TPRG1: variants seen among roughly 807,000 people sequenced by gnomAD.
TPRG1 encodes tumor protein p63-regulated gene 1 protein.
Under a neutral mutation model 29.3 loss-of-function variants are expected in TPRG1, and 29 were observed. The ratio of observed to expected loss-of-function variants is 0.99; its 90% CI spans 0.74 to 1.35. The LOEUF (loss-of-function observed/expected upper bound fraction) is 1.35. Among genes scored for constraint, TPRG1 ranks in the 40% most tolerant of loss-of-function variants. The pLI, the probability that TPRG1 is intolerant of heterozygous loss-of-function variation, is 0.00. For synonymous variants in TPRG1, 130 were observed against 116.8 expected, an observed-to-expected ratio of 1.11 and a Z score of -0.73; for missense variants, 327 against 335.0, an observed-to-expected ratio of 0.98 and a Z score of 0.19.
At chr3:189,000,515 T>A (rs1247164615) in intron 1 of TPRG1, among the ~76,000 whole-genome samples, 3 of 152,128 alleles carry the variant, frequency 2.0e-5, no homozygotes, top group African/African-American at 7.2e-5. Context: ...ACTGAGCTAT[T>A]TCTATAGGAG....
upstream of TPRG1, among the ~76,000 whole-genome samples, chr3:189,095,163 T>C: frequency 6.6e-6 from 1 of 152,204 alleles, no homozygotes; most frequent in East Asian, 1.9e-4. Context: ...TCATTTGTTC[T>C]GAGTACCTGC....
intron 3 of TPRG1, among the ~76,000 whole-genome samples, chr3:189,019,103 G>A (rs1411949524): frequency 1.3e-5 from 2 of 151,586 alleles, no homozygotes; most frequent in Non-Finnish European, 2.9e-5. Flanking sequence ...CTTTGCTGAA[G>A]TTGCTTATCA....
At chr3:189,004,831 C>A (rs1712204064) in intron 3 of TPRG1, 2 of 152,220 alleles carry the variant, frequency 1.3e-5, no homozygotes, top group African/African-American at 4.8e-5. Context: ...CCTATCCTAA[C>A]CCATACTGCC....
intron 1 of TPRG1, among the ~76,000 whole-genome samples, chr3:189,198,249 C>T (rs1337043276): frequency 7.2e-5 from 11 of 152,166 alleles, no homozygotes; most frequent in African/African-American, 2.7e-4. Context: ...GTACAGTCAG[C>T]TCTGAGGTGC....
At chr3:189,097,281 A>T (rs1016374449), upstream of TPRG1, among the ~76,000 whole-genome samples, 1 of 152,234 alleles carries the variant, frequency 6.6e-6, no homozygotes, top group Non-Finnish European at 1.5e-5. Context: ...TTGAAAGCTT[A>T]AATTTTATGA....
chr3:189,315,630 C>T (rs1457970170), intron 5 of TPRG1: 24 of 381,664 alleles, frequency 6.3e-5, no homozygotes, highest in Non-Finnish European at 9.5e-5. Context: ...TTCTATCCAT[C>T]TTTTCAAGGG....
intron 5 of TPRG1, among the ~76,000 whole-genome samples, chr3:189,151,417 A>G (rs959754792): frequency 6.6e-6 from 1 of 152,166 alleles, no homozygotes; most frequent in African/African-American, 2.4e-5. Flanking sequence ...ATTTGACCCT[A>G]AATATAGCTA....
At chr3:189,049,292 G>T (rs569458442) in intron 4 of TPRG1, among the ~76,000 whole-genome samples, 2 of 152,292 alleles carry the variant, frequency 1.3e-5, no homozygotes, top group Non-Finnish European at 2.9e-5. Flanking sequence ...CAGGCTTGGG[G>T]CTGTGGGTAG....
At chr3:189,252,223 A>C (rs1207686292) in intron 4 of TPRG1, among the ~76,000 whole-genome samples, 2 of 152,200 alleles carry the variant, frequency 1.3e-5, no homozygotes, top group African/African-American at 4.8e-5. Context: ...GTTATAGATT[A>C]ACAGCATCTC....
rs1722301009 is a variant in TPRG1, at chr3:189,310,419, G to A, written c.513G>A (p.Gly171=). 1.9e-6 allele frequency: 3 copies of A among 1,610,932 alleles called. No individual in the cohort carries two copies. Among genetic ancestry groups the A allele is most frequent in the Non-Finnish European group, 1.7e-6 (2 of 1,178,132 alleles). ...RQGEGLRIYW[G]SPEEQSLLSR... The stretch of plus-strand genomic sequence containing the variant: ...GAGAAGGCCTTAGGATCTACTGGGG[G>A]AGTCCGGAGGAGCAGTCTCTTCTGT... The change falls in exon 5 of 6, where the codon GGG becomes GGA. Residue 171 remains glycine, a synonymous_variant. Transcript: ENST00000345063.
chr3:189,136,616 C>T (rs1032012642), intron 3 of TPRG1, among the ~76,000 whole-genome samples: 5 of 152,154 alleles, frequency 3.3e-5, no homozygotes, highest in African/African-American at 4.8e-5. Context: ...TTTAAGAATG[C>T]GGAAATTTCA....
At chr3:189,057,464 G>A (rs747732759) in intron 4 of TPRG1, among the ~76,000 whole-genome samples, 3 of 150,062 alleles carry the variant, frequency 2.0e-5, no homozygotes, top group Non-Finnish European at 3.0e-5. Context: ...AAGGAGACAC[G>A]TGCAAGAGGA....
At chr3:188,998,105 A>G (rs530860511) in intron 1 of TPRG1, among the ~76,000 whole-genome samples, 27 of 152,208 alleles carry the variant, frequency 1.8e-4, no homozygotes, top group African/African-American at 4.8e-4. Flanking sequence ...GTTAAAAAAA[A>G]GAAGTGTTCT....
At chr3:189,101,902 C>T (rs1424263166) in intron 1 of TPRG1, among the ~76,000 whole-genome samples, 1 of 152,076 alleles carries the variant, frequency 6.6e-6, no homozygotes, top group African/African-American at 2.4e-5. Context: ...TTTTTAGTTG[C>T]TATATACAAC....
At position 189,182,373 on chromosome 3, in the gene TPRG1, C is replaced by G. The variant is rs547505803; in HGVS notation, c.-10+10242C>G. 1.6e-4 allele frequency among the ~76,000 whole-genome samples: 24 copies of G among 152,222 alleles called. 1 individual carries two copies. Among genetic ancestry groups the G allele is most frequent in the Non-Finnish European group, 2.5e-4 (17 of 68,004 alleles). ...GCTTATACATGCATACCCCAACTTT[C>G]CAAGCTCATAACTTAAAAAAAGTAG... On this transcript the variant is annotated intron_variant, in intron 1 of 5. Transcript: ENST00000345063.
At chr3:189,099,517 A>G (rs1419602539), upstream of TPRG1, among the ~76,000 whole-genome samples, 1 of 151,948 alleles carries the variant, frequency 6.6e-6, no homozygotes, top group East Asian at 1.9e-4. Context: ...CTGGAGGTGG[A>G]AGCATACCCC....
At chr3:189,051,496 A>G (rs550062824) in intron 4 of TPRG1, among the ~76,000 whole-genome samples, 36 of 152,336 alleles carry the variant, frequency 2.4e-4, no homozygotes, top group African/African-American at 8.7e-4. Flanking sequence ...GGTAGAATCA[A>G]TATTGTGAAA....
chr3:189,138,423 A>T (rs963102639), intron 3 of TPRG1, among the ~76,000 whole-genome samples: 1 of 152,196 alleles, frequency 6.6e-6, no homozygotes, highest in Non-Finnish European at 1.5e-5. Context: ...TTAAGAGAGC[A>T]GACTTTCATT....
At chr3:189,248,642 A>G (rs1051937087) in intron 4 of TPRG1, among the ~76,000 whole-genome samples, 6 of 151,176 alleles carry the variant, frequency 4.0e-5, no homozygotes, top group African/African-American at 9.7e-5. Context: ...TTTTATTATT[A>G]TATTTCATAT....
Sources: allele counts gnomAD v4.1 joint callset (sites outside exome capture counted in the v4.1 genomes callset), GRCh38; gene constraint gnomAD v4.1.1; transcripts MANE v1.5; gene names NCBI Gene and HGNC (gene_info 2026-07-23, HGNC 2026-07-21).